Variants in FAM13C observed in about 807,000 individuals in gnomAD.
FAM13C encodes family with sequence similarity 13 member C, also known as protein FAM13C.
In FAM13C, 37 loss-of-function variants were observed where a neutral mutation model predicts 73.2. The ratio of observed to expected loss-of-function variants is 0.51; its 90% CI spans 0.39 to 0.67. The LOEUF (loss-of-function observed/expected upper bound fraction) is 0.67. Ranked by LOEUF, FAM13C falls within the 30% of genes least tolerant of loss-of-function variation. The pLI, the probability that FAM13C is intolerant of heterozygous loss-of-function variation, is 0.00. For synonymous variants in FAM13C, 246 were observed against 260.9 expected, an observed-to-expected ratio of 0.94 and a Z score of 0.55; for missense variants, 589 against 715.6, an observed-to-expected ratio of 0.82 and a Z score of 2.02.
At chr10:59,264,014 G>A in intron 9 of FAM13C, 71 bp downstream of exon 9, 1 of 1,350,684 alleles carries the variant, frequency 7.4e-7, no homozygotes, top group Non-Finnish European at 1.1e-6. Flanking sequence ...AATCTAAAAT[G>A]CTCTGGAGCA....
intron 4 of FAM13C, chr10:59,323,577 G>A (rs1331126305): frequency 4.5e-6 from 1 of 224,536 alleles, no homozygotes; most frequent in Non-Finnish European, 8.9e-6. Flanking sequence ...TTACGAGAAA[G>A]TAGAGAAGGC....
intron 3 of FAM13C, among the ~76,000 whole-genome samples, chr10:59,345,346 A>T (rs16913458): frequency 0.16 from 24,376 of 152,160 alleles, 2,231 homozygotes; most frequent in East Asian, 0.33. Context: ...AACTTAAAAG[A>T]CTCAAATAAA....
At chr10:59,262,013 A>G (rs1425017543) in intron 10 of FAM13C, among the ~76,000 whole-genome samples, 1 of 152,102 alleles carries the variant, frequency 6.6e-6, no homozygotes, top group Non-Finnish European at 1.5e-5. Context: ...ATAAACACCA[A>G]ACAAATTTCC....
intron 4 of FAM13C, among the ~76,000 whole-genome samples, chr10:59,306,709 C>T (rs1848303310): frequency 6.6e-6 from 1 of 152,172 alleles, no homozygotes; most frequent in South Asian, 2.1e-4. Context: ...AACCCCATCT[C>T]TACTAAAATA....
intron 11 of FAM13C, 82 bp from the exon 12 acceptor site, chr10:59,253,080 T>C: frequency 3.6e-6 from 5 of 1,392,218 alleles, no homozygotes; most frequent in African/African-American, 1.4e-5. Context: ...AGGGGAACTA[T>C]AAATCAATGC....
At chr10:59,346,794 T>C (rs1351450975) in intron 3 of FAM13C, among the ~76,000 whole-genome samples, 1 of 152,212 alleles carries the variant, frequency 6.6e-6, no homozygotes, top group African/African-American at 2.4e-5. Flanking sequence ...TACAGGATCA[T>C]TGTTAATTTT....
chr10:59,291,946 G>A (rs1227575909), intron 5 of FAM13C, among the ~76,000 whole-genome samples: 2 of 151,696 alleles, frequency 1.3e-5, no homozygotes, highest in South Asian at 2.1e-4. Flanking sequence ...CCACCATCAC[G>A]CCTGGCGAAT....
At chr10:59,252,747 A>G in intron 12 of FAM13C, 52 bp downstream of exon 12, 2 of 1,568,702 alleles carry the variant, frequency 1.3e-6, no homozygotes, top group Non-Finnish European at 8.8e-7. Flanking sequence ...ATATACTGGT[A>G]TCAGACCAGA....
At chr10:59,283,176 G>A (rs188229328) in intron 6 of FAM13C, among the ~76,000 whole-genome samples, 187 bp downstream of exon 6, 1 of 152,294 alleles carries the variant, frequency 6.6e-6, no homozygotes. Flanking sequence ...ACAGGTCTAT[G>A]TTATAGCAAA....
At chr10:59,334,984 G>T (rs1048510454) in intron 3 of FAM13C, among the ~76,000 whole-genome samples, 1 of 152,098 alleles carries the variant, frequency 6.6e-6, no homozygotes, top group East Asian at 1.9e-4. Flanking sequence ...GCTAGATTTG[G>T]GGAATGAGGT....
intron 12 of FAM13C, 86 bp downstream of exon 12, chr10:59,252,713 A>G: frequency 2.9e-6 from 4 of 1,377,080 alleles, no homozygotes; most frequent in South Asian, 2.4e-5. Flanking sequence ...TGAGTCCAGC[A>G]TTTTCAAAGG....
chr10:59,321,154 T>A (rs189994175), intron 4 of FAM13C, among the ~76,000 whole-genome samples: 2 of 152,312 alleles, frequency 1.3e-5, no homozygotes, highest in East Asian at 1.9e-4. Context: ...CAAAAAGGAC[T>A]GTGAAAATGT....
chr10:59,316,210 C>T (rs1849512040), intron 4 of FAM13C, among the ~76,000 whole-genome samples: 1 of 152,144 alleles, frequency 6.6e-6, no homozygotes. Flanking sequence ...GCTGAGATTA[C>T]AGGCATGAAC....
chr10:59,325,012 C>T (rs1423682893), intron 3 of FAM13C, among the ~76,000 whole-genome samples: 1 of 152,152 alleles, frequency 6.6e-6, no homozygotes, highest in Non-Finnish European at 1.5e-5. Flanking sequence ...TGAGCCATGT[C>T]AAACCTCTAA....
At chr10:59,283,686 A>T (rs928977831) in intron 5 of FAM13C, 15 of 601,312 alleles carry the variant, frequency 2.5e-5, no homozygotes, top group Admixed American at 2.2e-4. Context: ...TTCCACATGC[A>T]GGCTGAGTTT....
At chr10:59,349,702 G>T (rs957666682) in intron 3 of FAM13C, among the ~76,000 whole-genome samples, 2 of 152,172 alleles carry the variant, frequency 1.3e-5, no homozygotes, top group Admixed American at 1.3e-4. Flanking sequence ...GGCGGAGGTT[G>T]CAGTGAGCCA....
chr10:59,345,650 C>A (rs142160995), intron 3 of FAM13C, among the ~76,000 whole-genome samples: 3 of 152,066 alleles, frequency 2.0e-5, no homozygotes, highest in Non-Finnish European at 4.4e-5. Flanking sequence ...ACCAGTAAAC[C>A]CAAACATTTG....
rs73299237 is a variant in FAM13C at position 59,328,191 on chromosome 10, T to A, written c.325-4085A>T. On this transcript the variant is annotated intron_variant, in intron 3 of 13. Transcript: ENST00000618804. Reference sequence around the variant, plus strand: ...AGATAGTTCATAAGAAAGCTGTCCATGAAGCAAACATAATTTAGGCTATTT... The same window carrying A: ...AGATAGTTCATAAGAAAGCTGTCCAAGAAGCAAACATAATTTAGGCTATTT... Among the ~76,000 whole-genome samples the A allele has an allele frequency of 8.0e-3, 1,226 of 152,300 alleles. 25 individuals carry two copies. The highest frequency in any genetic ancestry group is 0.028 in the African/African-American group (1,179 of 41,562).
intron 5 of FAM13C, among the ~76,000 whole-genome samples, chr10:59,295,328 T>C (rs1034807090): frequency 3.9e-5 from 6 of 152,200 alleles, no homozygotes; most frequent in Admixed American, 1.3e-4. Flanking sequence ...TTCCAGTTGG[T>C]AGCAAAAGAC....
Sources: gnomAD v4.1 joint callset for allele counts (sites outside exome capture counted in the v4.1 genomes callset) on GRCh38, gnomAD v4.1.1 for gene constraint, MANE v1.5 for transcripts, NCBI Gene and HGNC (gene_info 2026-07-23, HGNC 2026-07-21) for gene names.